Variants in IL1RAPL1 observed in about 807,000 individuals in gnomAD.
IL1RAPL1 encodes interleukin 1 receptor accessory protein like 1, also known as interleukin-1 receptor accessory protein-like 1.
A neutral mutation model predicts 48.4 loss-of-function variants in IL1RAPL1; 3 were observed. The observed-to-expected ratio is 0.06, with a 90% CI of 0.03 to 0.16. IL1RAPL1 has a LOEUF of 0.16. Among genes scored for constraint, IL1RAPL1 ranks in the 10% least tolerant of loss-of-function variants. The probability of loss-of-function intolerance (pLI) is 1.00; values close to 1 mark genes in which losing one functional copy is unlikely to be tolerated. For missense variants in IL1RAPL1, 349 were observed against 530.6 expected (o/e 0.66, Z 3.36); for synonymous variants, 185 against 187.7 (o/e 0.99, Z 0.12).
At chrX:28,784,549 T>C (rs1273091399) in intron 1 of IL1RAPL1, among the ~76,000 whole-genome samples, 4 of 111,391 alleles carry the variant, frequency 3.6e-5, no homozygotes, top group African/African-American at 1.3e-4. Flanking sequence ...CTCAACATGT[T>C]GAGGAAAAGT....
chrX:29,224,958 T>G (rs1931051236), intron 2 of IL1RAPL1, among the ~76,000 whole-genome samples: 1 of 112,200 alleles, frequency 8.9e-6, no homozygotes, highest in South Asian at 3.7e-4. Flanking sequence ...GTGTGATTGT[T>G]GCCTGCATGA....
At chrX:28,647,922 TC>T (rs2146902193) in intron 1 of IL1RAPL1, among the ~76,000 whole-genome samples, 1 of 111,920 alleles carries the variant, frequency 8.9e-6, no homozygotes, top group African/African-American at 3.2e-5. Context: ...ACTTAAAACA[TC>T]TCTTCATATC....
chrX:29,646,395 A>G (rs1304099344), intron 5 of IL1RAPL1, among the ~76,000 whole-genome samples: 1 of 111,936 alleles, frequency 8.9e-6, no homozygotes, highest in Non-Finnish European at 1.9e-5. Flanking sequence ...TTGAAAATAT[A>G]CGGTAAGATG....
chrX:28,884,454 G>A (rs1487731967), intron 2 of IL1RAPL1, among the ~76,000 whole-genome samples: 2 of 111,388 alleles, frequency 1.8e-5, no homozygotes, highest in Non-Finnish European at 3.8e-5. Context: ...ATAGCCTGCT[G>A]TTGAAGTGAA....
chrX:28,946,791 A>T (rs1017978303), intron 2 of IL1RAPL1, among the ~76,000 whole-genome samples: 2 of 111,649 alleles, frequency 1.8e-5, no homozygotes, highest in African/African-American at 3.3e-5. Context: ...GATCATCTGC[A>T]GCATTTGATG....
At chrX:29,386,835 G>A (rs953370118) in intron 3 of IL1RAPL1, among the ~76,000 whole-genome samples, 1 of 111,804 alleles carries the variant, frequency 8.9e-6, no homozygotes, top group Non-Finnish European at 1.9e-5. Flanking sequence ...GAGCCACCCT[G>A]CCCAGCCGTG....
intron 3 of IL1RAPL1, among the ~76,000 whole-genome samples, chrX:29,338,270 T>TAC (rs898418959): frequency 3.0e-4 from 33 of 109,860 alleles, no homozygotes; most frequent in Non-Finnish European, 2.9e-4. Flanking sequence ...CACACACACA[T>TAC]ACACACACAC....
chrX:28,927,364 G>T (rs1923772676), intron 2 of IL1RAPL1, among the ~76,000 whole-genome samples: 1 of 111,342 alleles, frequency 9.0e-6, no homozygotes, highest in Non-Finnish European at 1.9e-5. Context: ...CAATTTTTTT[G>T]TGTGTGCCTA....
chrX:28,894,890 A>G (rs1364614746), intron 2 of IL1RAPL1, among the ~76,000 whole-genome samples: 3 of 110,585 alleles, frequency 2.7e-5, no homozygotes, highest in Non-Finnish European at 5.7e-5. Flanking sequence ...CAGCAGGGAG[A>G]GCACATGTGT....
intron 5 of IL1RAPL1, among the ~76,000 whole-genome samples, chrX:29,432,032 A>C (rs1046172412): frequency 5.4e-5 from 6 of 111,659 alleles, no homozygotes; most frequent in Non-Finnish European, 1.1e-4. Context: ...GGAACATTGC[A>C]TTAATTGTTA....
chrX:29,747,611 A>G (rs755114205), intron 6 of IL1RAPL1, among the ~76,000 whole-genome samples: 1 of 112,269 alleles, frequency 8.9e-6, no homozygotes, highest in Non-Finnish European at 1.9e-5. Context: ...TTGGAGAGCC[A>G]TCTGTCCCGG....
intron 2 of IL1RAPL1, among the ~76,000 whole-genome samples, chrX:29,078,806 GT>G (rs1927740108): frequency 9.0e-6 from 1 of 111,623 alleles, no homozygotes; most frequent in African/African-American, 3.3e-5. Context: ...GGTCTGTTAT[GT>G]AAATATGTGT....
chrX:29,306,530 G>GAAAAAAAAA (rs1166748708), intron 3 of IL1RAPL1, among the ~76,000 whole-genome samples: 80 of 33,394 alleles, frequency 2.4e-3, no homozygotes, highest in Non-Finnish European at 2.9e-3. Flanking sequence ...TCTGTCAAAA[G>GAAAAAAAAA]AAAAAAAAAA....
intron 2 of IL1RAPL1, among the ~76,000 whole-genome samples, chrX:28,962,881 T>A (rs1485302961): frequency 1.1e-5 from 1 of 94,955 alleles, no homozygotes; most frequent in Middle Eastern, 4.8e-3. Context: ...TGTCTGTGTG[T>A]ATGTGTGTGT....
chrX:28,953,096 C>T (rs998156872), intron 2 of IL1RAPL1, among the ~76,000 whole-genome samples: 6 of 111,167 alleles, frequency 5.4e-5, no homozygotes, highest in African/African-American at 2.0e-4. Context: ...TTCAATAAAG[C>T]TCATTTGTAT....
intron 6 of IL1RAPL1, among the ~76,000 whole-genome samples, chrX:29,734,165 G>A (rs147408803): frequency 0.056 from 6,280 of 112,435 alleles, 194 homozygotes; most frequent in East Asian, 0.16. Flanking sequence ...TCTGTTATTT[G>A]GAGAAGTAAT....
intron 5 of IL1RAPL1, among the ~76,000 whole-genome samples, chrX:29,403,363 G>T (rs1012223584): frequency 9.0e-6 from 1 of 110,739 alleles, no homozygotes; most frequent in Non-Finnish European, 1.9e-5. Context: ...GTGTGTGTGT[G>T]TATGTATGTT....
At chrX:28,588,570 G>A (rs1933874801) in intron 1 of IL1RAPL1, among the ~76,000 whole-genome samples, 1 of 112,230 alleles carries the variant, frequency 8.9e-6, no homozygotes, top group African/African-American at 3.2e-5. Flanking sequence ...CATCCCACTT[G>A]TCAAGTTCTT....
chrX:29,475,834 G>A (rs1569319480), intron 5 of IL1RAPL1, among the ~76,000 whole-genome samples: 1 of 103,186 alleles, frequency 9.7e-6, no homozygotes, highest in Non-Finnish European at 2.0e-5. Flanking sequence ...ACGTTATGAA[G>A]TTTTTTTTTT....
Sources: gnomAD v4.1 joint callset for allele counts (sites outside exome capture counted in the v4.1 genomes callset) on GRCh38, gnomAD v4.1.1 for gene constraint, MANE v1.5 for transcripts, NCBI Gene and HGNC (gene_info 2026-07-23, HGNC 2026-07-21) for gene names.